The following PAPLN variants were observed in gnomAD, a reference collection of about 807,000 sequenced individuals.
The protein encoded by PAPLN is papilin.
Under a neutral mutation model 159.0 loss-of-function variants are expected in PAPLN, and 146 were observed. The observed-to-expected ratio is 0.92, with a 90% CI of 0.80 to 1.05. The LOEUF is 1.05. PAPLN is among the 50% of genes least tolerant of loss of function. The probability of loss-of-function intolerance (pLI) is 0.00; values close to 1 mark genes in which losing one functional copy is unlikely to be tolerated. For missense variants in PAPLN, 1,720 were observed against 1,743.9 expected (o/e 0.99, Z 0.24); for synonymous variants, 734 against 702.9 (o/e 1.04, Z -0.70).
At chr14:73,252,845 C>T in intron 11 of PAPLN, 70 bp downstream of exon 11, 5 of 1,594,658 alleles carry the variant, frequency 3.1e-6, no homozygotes, top group Non-Finnish European at 4.3e-6. Context: ...ACAAGGCCTC[C>T]AAGCTGCTTT....
intron 13 of PAPLN, 49 bp downstream of exon 13, chr14:73,254,744 A>G: frequency 1.3e-6 from 2 of 1,598,702 alleles, no homozygotes; most frequent in Non-Finnish European, 1.7e-6. Context: ...GGTCTCTGGC[A>G]GGTGGCTGCA....
At chr14:73,246,861 T>C (rs1884448528) in intron 5 of PAPLN, 1 of 152,156 alleles carries the variant, frequency 6.6e-6, no homozygotes. Flanking sequence ...TTTTAGTATA[T>C]GTGCTGCCAG....
chr14:73,268,833 C>A, intron 26 of PAPLN, 110 bp downstream of exon 26: 2 of 1,293,628 alleles, frequency 1.5e-6, no homozygotes, highest in South Asian at 1.7e-5. Context: ...CCTGGCTCAC[C>A]CTGCCAGTTG....
chr14:73,271,430 A>G (rs1225937641), intron 26 of PAPLN, among the ~76,000 whole-genome samples: 2 of 152,096 alleles, frequency 1.3e-5, no homozygotes, highest in Non-Finnish European at 2.9e-5. Flanking sequence ...ACTTCAGGGA[A>G]GGTACCACTC....
intron 10 of PAPLN, 35 bp downstream of exon 10, chr14:73,252,176 C>T: frequency 6.5e-7 from 1 of 1,546,914 alleles, no homozygotes; most frequent in Non-Finnish European, 8.7e-7. Context: ...AGGGCATGGG[C>T]CCTGTGTGCT....
intron 26 of PAPLN, chr14:73,272,035 T>C (rs1346606909): frequency 6.5e-6 from 1 of 153,156 alleles, no homozygotes; most frequent in African/African-American, 2.4e-5. Flanking sequence ...GACAAAACTT[T>C]GATGGTTGGA....
At chr14:73,269,097 C>A (rs1042713578) in intron 26 of PAPLN, among the ~76,000 whole-genome samples, 3 of 152,220 alleles carry the variant, frequency 2.0e-5, no homozygotes, top group African/African-American at 7.2e-5. Context: ...AATCTGTCCA[C>A]TCTAATCCAC....
Position 73,245,640 on chromosome 14 carries a change from G to C in PAPLN, c.175G>C (p.Asp59His). The C allele has an allele frequency of 6.4e-7, 1 of 1,559,846 alleles. No homozygotes were observed. Among genetic ancestry groups the C allele is most frequent in the Non-Finnish European group, 8.7e-7 (1 of 1,153,354 alleles). ...CCCGGTGCTCTGGTCCCGCAGGAGA[G>C]ATGGAGGCTCCAGCTGCGTGGGCCC... ...RERPCYSQRR[D>H]GGSSCVGPAR... The change falls in exon 4 of 27, where the codon GAT becomes CAT. Residue 59 changes from aspartate (D) to histidine (H), a missense_variant. Physicochemically the swap from Asp to His is moderately conservative, Grantham distance 81. Coordinates refer to ENST00000644200, the MANE Select transcript of PAPLN (RefSeq NM_001365906.3). The surrounding 1 kb of genome is among the most constrained non-coding windows in gnomAD (Gnocchi z 4.2).
Position 73,272,394 on chromosome 14 carries a change from T to C in PAPLN, c.3668-101T>C, listed in dbSNP as rs574337047. 8 of 1,188,414 alleles carry C rather than the reference T, an allele frequency of 6.7e-6. No individual in the cohort carries two copies. In the African/African-American group the frequency reaches 1.2e-4, roughly 18 times the overall value. 73.6% of individuals were successfully genotyped at this position (1,188,414 alleles called of 1,614,324 possible). ...TGCACTTCGTTTTCAATCTGGCAGT[T>C]ATAATGCTGTGTTCCTTTGAAGGAA... On this transcript the variant is annotated intron_variant, in intron 26 of 26. Transcript: ENST00000644200.
In PAPLN at chr14:73,268,664, G is replaced by A; in HGVS notation, c.3608G>A (p.Ser1203Asn). Residue 1203 changes from serine to asparagine, a missense_variant, in exon 26 of 27, where the codon AGT (serine) becomes AAT (asparagine). By Grantham distance (46) the Ser-to-Asn change is conservative. Transcript: ENST00000644200. ...RARDEGSYTC[S>N]AYQGSQAVSR... ...AGGGATGAGGGCTCCTACACGTGCA[G>A]TGCCTACCAGGGGAGCCAGGCAGTC... The A allele has an allele frequency of 6.2e-7, 1 of 1,613,932 alleles. No individual in the cohort carries two copies. Among genetic ancestry groups the A allele is most frequent in the South Asian group, 1.1e-5 (1 of 91,060 alleles).
intron 18 of PAPLN, 27 bp from the exon 19 acceptor site, chr14:73,262,323 G>T: frequency 1.3e-6 from 2 of 1,582,114 alleles, no homozygotes; most frequent in South Asian, 1.2e-5. Context: ...GCACCTCAGT[G>T]ACTTATATCA....
At chr14:73,264,170 G>T in intron 20 of PAPLN, 41 bp from the exon 21 acceptor site, 1 of 1,610,976 alleles carries the variant, frequency 6.2e-7, no homozygotes, top group South Asian at 1.1e-5. Context: ...TGTTGCCCTT[G>T]GGAGCCCAGA....
chr14:73,237,950 C>A (rs1037445596), intron 1 of PAPLN, among the ~76,000 whole-genome samples: 3 of 152,142 alleles, frequency 2.0e-5, no homozygotes, highest in Non-Finnish European at 4.4e-5. Flanking sequence ...GGAGGTGCCA[C>A]TGGGCCGCGG....
At chr14:73,258,589 G>A (rs1886181476) in intron 14 of PAPLN, among the ~76,000 whole-genome samples, 1 of 120,930 alleles carries the variant, frequency 8.3e-6, no homozygotes, top group South Asian at 2.6e-4. Context: ...TTTGAGACAA[G>A]CCTGGGCAAT....
chr14:73,242,715 T>TTAGA (rs1387119099), intron 2 of PAPLN: 3 of 152,380 alleles, frequency 2.0e-5, no homozygotes, highest in East Asian at 3.9e-4. Context: ...TTTCGAAAGC[T>TTAGA]TAGAGATTTT....
chr14:73,237,773 G>A (rs1488351804), intron 1 of PAPLN, among the ~76,000 whole-genome samples, 181 bp downstream of exon 1: 2 of 152,086 alleles, frequency 1.3e-5, no homozygotes, highest in Non-Finnish European at 2.9e-5. Context: ...GTCATCGCTC[G>A]GCACCGCGCG....
intron 14 of PAPLN, among the ~76,000 whole-genome samples, chr14:73,255,267 A>G (rs1370004772): frequency 6.6e-6 from 1 of 152,086 alleles, no homozygotes; most frequent in Non-Finnish European, 1.5e-5. Flanking sequence ...CCCCCATAGC[A>G]TGCTGTCATT....
chr14:73,239,835 GAGTGCGGTCCTGCCCCGGCCCCCGGAGGA>G lies in PAPLN; in HGVS notation c.54+5_54+33del. 4 of 1,587,284 alleles carry G rather than the reference GAGTGCGGTCCTGCCCCGGCCCCCGGAGGA, an allele frequency of 2.5e-6. No homozygotes were observed. Among genetic ancestry groups the G allele is most frequent in the Non-Finnish European group, 3.4e-6 (4 of 1,172,786 alleles). The stretch of plus-strand genomic sequence containing the variant: ...TGGCTCCAGCGCCCGGGTCCTCGGT[GAGTGCGGTCCTGCCCCGGCCCCCGGAGGA>G]ACCTGCAGGGGAGTCGGGGGCGGGG... On this transcript the variant is annotated splice_donor_5th_base_variant and intron_variant, in intron 2 of 26. Transcript: ENST00000644200.
intron 20 of PAPLN, 95 bp downstream of exon 20, chr14:73,263,877 A>C: frequency 7.9e-7 from 1 of 1,259,146 alleles, no homozygotes. Flanking sequence ...CTCCTCTGAT[A>C]GGTGTGACAG....
Sources: allele counts gnomAD v4.1 joint callset (sites outside exome capture counted in the v4.1 genomes callset), GRCh38; gene constraint gnomAD v4.1.1; non-coding constraint Gnocchi (gnomAD v3.1); transcripts MANE v1.5; gene names NCBI Gene and HGNC (gene_info 2026-07-23, HGNC 2026-07-21).